The following RTN1 variants were observed in gnomAD, a reference collection of about 807,000 sequenced individuals.
RTN1 encodes reticulon-1.
RTN1 carries 25 observed loss-of-function variants against 65.5 expected under a neutral mutation model. The ratio of observed to expected loss-of-function variants is 0.38; its 90% CI spans 0.28 to 0.53. The LOEUF (loss-of-function observed/expected upper bound fraction) is 0.53, where lower values mean the gene tolerates loss of function less well. Among genes scored for constraint, RTN1 ranks in the 20% least tolerant of loss-of-function variants. The pLI is 0.79. For missense variants in RTN1, 983 were observed against 1,025.4 expected, an observed-to-expected ratio of 0.96 and a Z score of 0.57; for synonymous variants, 471 against 447.6, an observed-to-expected ratio of 1.05 and a Z score of -0.66.
At chr14:59,706,855 G>A (rs962117863) in intron 3 of RTN1, among the ~76,000 whole-genome samples, 4 of 152,146 alleles carry the variant, frequency 2.6e-5, no homozygotes, top group Admixed American at 2.0e-4. Context: ...GGATTGACAG[G>A]ATTTGTAGCT....
intron 3 of RTN1, among the ~76,000 whole-genome samples, chr14:59,710,489 A>C (rs1337357512): frequency 6.6e-6 from 1 of 152,214 alleles, no homozygotes; most frequent in Non-Finnish European, 1.5e-5. Flanking sequence ...AGCTGAAAGG[A>C]CCAGAATTGG....
chr14:59,705,081 C>T (rs997598376), intron 3 of RTN1, among the ~76,000 whole-genome samples: 4 of 152,138 alleles, frequency 2.6e-5, no homozygotes, highest in Non-Finnish European at 5.9e-5. Flanking sequence ...AGCACCTTAT[C>T]GAAAGCACTT....
rs759953859 is a variant in RTN1, at chr14:59,868,940, T to C, written c.241+1450A>G. Among the ~76,000 whole-genome samples the C allele has an allele frequency of 6.6e-6, 1 of 152,214 alleles. No individual in the cohort carries two copies. The highest frequency in any genetic ancestry group is 1.5e-5 in the Non-Finnish European group (1 of 68,052). On this transcript the variant is annotated intron_variant, in intron 1 of 8. Transcript: ENST00000267484. The surrounding 1 kb of genome is among the most constrained non-coding windows in gnomAD (Gnocchi z 4.0). ...TTTTGTTTTCACTTGGATGCAGAAG[T>C]TGAAAGAGAGACTGAGCAGCCATTC...
At chr14:59,689,037 C>T (rs1290778539) in intron 3 of RTN1, among the ~76,000 whole-genome samples, 1 of 151,934 alleles carries the variant, frequency 6.6e-6, no homozygotes, top group East Asian at 1.9e-4. Context: ...TCAACAAGAT[C>T]CACGACAAGG....
At chr14:59,855,329 G>A (rs921013439) in intron 1 of RTN1, among the ~76,000 whole-genome samples, 2 of 151,898 alleles carry the variant, frequency 1.3e-5, no homozygotes, top group Admixed American at 1.3e-4. Flanking sequence ...CTCTGCTGTC[G>A]AGCCCACCTA....
chr14:59,840,432 T>C (rs1887290243), intron 1 of RTN1, among the ~76,000 whole-genome samples: 2 of 152,196 alleles, frequency 1.3e-5, no homozygotes, highest in African/African-American at 4.8e-5. Context: ...CTTTTTTCAG[T>C]TGTGTGATCT....
At chr14:59,750,022 T>TTA (rs1566712930) in intron 1 of RTN1, among the ~76,000 whole-genome samples, 2 of 69,050 alleles carry the variant, frequency 2.9e-5, no homozygotes, top group African/African-American at 1.2e-4. Flanking sequence ...ATATTATATA[T>TTA]TATATTATAT....
chr14:59,769,021 T>C (rs919191868), intron 1 of RTN1, among the ~76,000 whole-genome samples: 25 of 152,182 alleles, frequency 1.6e-4, no homozygotes, highest in African/African-American at 5.8e-4. Context: ...ACTGGGAGTA[T>C]CCTGGACAAA....
intron 3 of RTN1, among the ~76,000 whole-genome samples, chr14:59,629,050 A>C (rs1249314403): frequency 6.6e-6 from 1 of 152,234 alleles, no homozygotes; most frequent in Non-Finnish European, 1.5e-5. Flanking sequence ...CAAGAATAAA[A>C]TGTTACAAAA....
intron 1 of RTN1, among the ~76,000 whole-genome samples, chr14:59,759,808 T>G (rs1885712980): frequency 6.6e-6 from 1 of 152,120 alleles, no homozygotes. Flanking sequence ...GAAATGACAT[T>G]TCTTCCTTAT....
At chr14:59,674,100 C>A (rs1379558807) in intron 3 of RTN1, among the ~76,000 whole-genome samples, 2 of 152,156 alleles carry the variant, frequency 1.3e-5, no homozygotes, top group Non-Finnish European at 2.9e-5. Context: ...CTTCAATCTT[C>A]CCCCAACTGT....
At chr14:59,693,014 A>G (rs1883992517) in intron 3 of RTN1, among the ~76,000 whole-genome samples, 1 of 152,136 alleles carries the variant, frequency 6.6e-6, no homozygotes, top group East Asian at 1.9e-4. Flanking sequence ...TCGTGACGAT[A>G]TTAGGAGGTG....
At chr14:59,815,794 C>A (rs1326276310) in intron 1 of RTN1, among the ~76,000 whole-genome samples, 4 of 152,278 alleles carry the variant, frequency 2.6e-5, no homozygotes, top group Non-Finnish European at 4.4e-5. Context: ...CCTGACCTCC[C>A]TTCCTAGAGT....
At chr14:59,618,144 A>G (rs1328123123) in intron 3 of RTN1, among the ~76,000 whole-genome samples, 2 of 152,244 alleles carry the variant, frequency 1.3e-5, no homozygotes, top group African/African-American at 2.4e-5. Flanking sequence ...TAATTTAAAC[A>G]AAGACAGTAA....
rs1396299796 is a variant in RTN1, at chr14:59,870,627, C to G, written c.4G>C (p.Ala2Pro). 181 of 1,403,500 alleles carry G rather than the reference C, an allele frequency of 1.3e-4. No homozygotes were observed. The highest frequency in any genetic ancestry group is 1.7e-4 in the Non-Finnish European group (180 of 1,084,214). 86.9% of individuals were successfully genotyped at this position (1,403,500 alleles called of 1,614,324 possible). A position where few individuals can be genotyped will look rare whatever the true frequency, so the allele number is the denominator to read the frequency against. The change falls in exon 1 of 9, where the codon GCC (alanine) becomes CCC (proline). Residue 2 changes from alanine to proline, a missense_variant. Around this residue, in one of 2 missense-constraint regions of RTN1, gnomAD observed 818 missense variants for 801.8 expected, o/e 1.02. Coordinates refer to ENST00000267484, the MANE Select transcript of RTN1 (RefSeq NM_021136.3). This position sits in a 1 kb window ranked among gnomAD's most constrained non-coding sequence, Gnocchi z 5.1. M[A>P]APGDPQDELL... ...TCGTCCTGCGGATCCCCCGGCGCGGCCATGGCTGGCGGTCCCCCGGCGCGG... is the reference window on the plus strand; with the variant it reads ...TCGTCCTGCGGATCCCCCGGCGCGGGCATGGCTGGCGGTCCCCCGGCGCGG...
intron 1 of RTN1, among the ~76,000 whole-genome samples, chr14:59,762,614 T>A (rs150535349): frequency 6.6e-6 from 1 of 152,340 alleles, no homozygotes; most frequent in Non-Finnish European, 1.5e-5. Context: ...GTGGCAGGCT[T>A]CTTAAGCTAA....
intron 1 of RTN1, among the ~76,000 whole-genome samples, chr14:59,757,461 C>G (rs1234155116): frequency 1.3e-5 from 2 of 152,166 alleles, no homozygotes; most frequent in Non-Finnish European, 2.9e-5. Flanking sequence ...TCCTTTTGCT[C>G]TTCCTTCGTC....
chr14:59,830,095 ACGTGGCCTT>A (rs1887099561), intron 1 of RTN1, among the ~76,000 whole-genome samples: 1 of 152,250 alleles, frequency 6.6e-6, no homozygotes, highest in African/African-American at 2.4e-5. Context: ...TGGAATAACT[ACGTGGCCTT>A]CTCCCCATTG....
At position 59,596,878 on chromosome 14, in the gene RTN1, A is replaced by C. The variant is rs1199333522; in HGVS notation, c.2289-91T>G. ...TTGCTTTAATTAGCTAAGTGACCAA[A>C]GAACTTAATATTCCAGAAGATATTA... is the stretch of plus-strand genomic sequence containing the variant. On this transcript the variant is annotated intron_variant, in intron 8 of 8. Coordinates refer to ENST00000267484, the MANE Select transcript of RTN1 (RefSeq NM_021136.3). The C allele has an allele frequency of 3.2e-6, 3 of 935,600 alleles. No homozygotes were observed. In the African/African-American group the frequency reaches 4.8e-5, roughly 15 times the overall value. 58.0% of individuals were successfully genotyped at this position (935,600 alleles called of 1,614,324 possible). A position where few individuals can be genotyped will look rare whatever the true frequency, so the allele number is the denominator to read the frequency against.
Sources: allele counts gnomAD v4.1 joint callset (sites outside exome capture counted in the v4.1 genomes callset), GRCh38; gene constraint gnomAD v4.1.1; regional missense constraint gnomAD v4.1.1; non-coding constraint Gnocchi (gnomAD v3.1); transcripts MANE v1.5; gene names NCBI Gene and HGNC (gene_info 2026-07-23, HGNC 2026-07-21).